ZC3H6: variants seen among roughly 807,000 people sequenced by gnomAD.
The protein encoded by ZC3H6 is zinc finger CCCH-type containing 6, also known as zinc finger CCCH domain-containing protein 6.
In ZC3H6, 40 loss-of-function variants were observed where a neutral mutation model predicts 107.7. The observed-to-expected ratio is 0.37, with a 90% CI of 0.29 to 0.48. The LOEUF (loss-of-function observed/expected upper bound fraction) is 0.48. Ranked by LOEUF, ZC3H6 falls within the 20% of genes least tolerant of loss-of-function variation. ZC3H6 has a pLI of 0.98. For missense variants in ZC3H6, 1,267 were observed against 1,410.4 expected (o/e 0.90, Z 1.63); for synonymous variants, 493 against 487.9 (o/e 1.01, Z -0.14).
At chr2:112,293,320 A>G (rs1254856774) in intron 1 of ZC3H6, among the ~76,000 whole-genome samples, 2 of 152,226 alleles carry the variant, frequency 1.3e-5, no homozygotes, top group East Asian at 3.8e-4. Flanking sequence ...AAACAAACCA[A>G]GTAAAAATTG....
At chr2:112,280,097 G>C (rs999539143) in intron 1 of ZC3H6, among the ~76,000 whole-genome samples, 18 of 146,388 alleles carry the variant, frequency 1.2e-4, no homozygotes, top group African/African-American at 4.7e-4. Context: ...TGAAGTAGTT[G>C]CACTAGATCA....
At chr2:112,326,223 T>C (rs1223182993) in intron 11 of ZC3H6, among the ~76,000 whole-genome samples, 2 of 152,182 alleles carry the variant, frequency 1.3e-5, no homozygotes, top group African/African-American at 4.8e-5. Flanking sequence ...AATCCAGGTA[T>C]ACTCTTTTAG....
intron 1 of ZC3H6, among the ~76,000 whole-genome samples, chr2:112,290,573 G>A (rs1300771809): frequency 1.3e-5 from 2 of 151,670 alleles, no homozygotes; most frequent in African/African-American, 4.8e-5. Context: ...AAGAAACCAT[G>A]TCTTTTTCTT....
chr2:112,299,746 G>A, intron 1 of ZC3H6, 103 bp from the exon 2 acceptor site: 1 of 921,596 alleles, frequency 1.1e-6, no homozygotes, highest in Non-Finnish European at 1.5e-6. Context: ...TTGTCTAAAT[G>A]AATATAACAT....
chr2:112,330,456 C>T (rs1172576546), intron 11 of ZC3H6, among the ~76,000 whole-genome samples: 1 of 152,184 alleles, frequency 6.6e-6, no homozygotes, highest in African/African-American at 2.4e-5. Context: ...CTACCCCATT[C>T]CTCATTTGCT....
At chr2:112,298,653 C>T (rs1446196291) in intron 1 of ZC3H6, among the ~76,000 whole-genome samples, 1 of 152,192 alleles carries the variant, frequency 6.6e-6, no homozygotes, top group Non-Finnish European at 1.5e-5. Flanking sequence ...CAATCAAATG[C>T]CCAGCTCTAT....
chr2:112,302,787 G>A (rs936615599), intron 2 of ZC3H6, among the ~76,000 whole-genome samples: 1 of 151,338 alleles, frequency 6.6e-6, no homozygotes, highest in African/African-American at 2.4e-5. Flanking sequence ...TAATGTTTTG[G>A]TATCTTTTAG....
rs927856412 is a variant in ZC3H6, at chr2:112,321,850, G to T, written c.1071G>T (p.Lys357Asn). The change falls in exon 8 of 12, where the codon AAG (lysine) becomes AAT (asparagine). Residue 357 changes from lysine to asparagine, a missense_variant. By Grantham distance (94) the Lys-to-Asn change is moderately conservative. Coordinates refer to ENST00000409871, the MANE Select transcript of ZC3H6 (RefSeq NM_198581.3). ...FSHDDLTKET[K>N]KLLDKVLNTD... ...ATGATGATCTAACTAAAGAAACAAAGAAACTTTTGGACAAAGTGAGTAATA... is the reference window on the plus strand; with the variant it reads ...ATGATGATCTAACTAAAGAAACAAATAAACTTTTGGACAAAGTGAGTAATA... 4.0e-6 allele frequency: 6 copies of T among 1,504,424 alleles called. No homozygotes were observed. The East Asian group carries it at 9.7e-5, about 24-fold the overall frequency. 93.2% of individuals were successfully genotyped at this position (1,504,424 alleles called of 1,614,324 possible).
rs905056168 is a variant in ZC3H6 at position 112,295,943 on chromosome 2, T to A, written c.33-3906T>A. Among the ~76,000 whole-genome samples, 4 of 152,068 alleles carry A rather than the reference T, an allele frequency of 2.6e-5. 1 individual carries two copies. The East Asian group carries it at 7.7e-4, about 29-fold the overall frequency. On this transcript the variant is annotated intron_variant, in intron 1 of 11. Coordinates refer to ENST00000409871, the MANE Select transcript of ZC3H6 (RefSeq NM_198581.3). ...ATGAAGCAGTGATTTCCAGATGTAATTTTTTTTATGCTTTAAGGAGCTCAC... is the reference window on the plus strand; with the variant it reads ...ATGAAGCAGTGATTTCCAGATGTAAATTTTTTTATGCTTTAAGGAGCTCAC...
intron 1 of ZC3H6, among the ~76,000 whole-genome samples, chr2:112,286,794 C>T (rs1164530513): frequency 6.6e-6 from 1 of 152,148 alleles, no homozygotes; most frequent in African/African-American, 2.4e-5. Flanking sequence ...CAATCTCTGA[C>T]CATGTGACAT....
At chr2:112,303,847 A>G (rs1483524537) in intron 3 of ZC3H6, among the ~76,000 whole-genome samples, 2 of 152,184 alleles carry the variant, frequency 1.3e-5, no homozygotes, top group African/African-American at 4.8e-5. Flanking sequence ...ATTGTGAATC[A>G]TGCTGCTTAT....
chr2:112,331,832 A>G lies in ZC3H6; in HGVS notation c.2914A>G (p.Arg972Gly). ...DPRLQKNFDPRLHRLPNTESH... is the reference protein window; with the variant it reads ...DPRLQKNFDPGLHRLPNTESH... ...TAGACTACAAAAAAATTTTGATCCT[A>G]GGCTTCACAGACTGCCCAATACAGA... Residue 972 changes from arginine (R) to glycine (G), a missense_variant, in exon 12 of 12, where the codon AGG becomes GGG. Physicochemically the swap from Arg to Gly is moderately radical, Grantham distance 125. Around this residue, in one of 3 missense-constraint regions of ZC3H6, gnomAD observed 925 missense variants for 1,025.7 expected, o/e 0.90. Transcript: ENST00000409871. 2 of 1,613,826 alleles carry G rather than the reference A, an allele frequency of 1.2e-6. No individual in the cohort carries two copies. The highest frequency in any genetic ancestry group is 2.7e-5 in the African/African-American group (2 of 75,050).
At position 112,322,724 on chromosome 2, in the gene ZC3H6, C is replaced by T. The variant is rs2104721043; in HGVS notation, c.1162C>T (p.Pro388Ser). Reference protein sequence around the residue: ...LEELRKRGITPLPKPPPGVGL... With the variant: ...LEELRKRGITSLPKPPPGVGL... ...GGAACTTAGAAAGCGTGGCATAACT[C>T]CTCTTCCCAAACCACCTCCAGGGGT... The change falls in exon 9 of 12, where the codon CCT becomes TCT. Residue 388 changes from proline to serine, a missense_variant. This residue lies in a region of ZC3H6 where 925 missense variants were observed against 1,025.7 expected (regional missense o/e 0.90). Transcript: ENST00000409871. The T allele has an allele frequency of 6.2e-7, 1 of 1,613,822 alleles. No homozygotes were observed. Among genetic ancestry groups the T allele is most frequent in the Non-Finnish European group, 8.5e-7 (1 of 1,179,838 alleles).
At chr2:112,301,523 C>T (rs1037439574) in intron 2 of ZC3H6, among the ~76,000 whole-genome samples, 2 of 152,114 alleles carry the variant, frequency 1.3e-5, no homozygotes, top group African/African-American at 4.8e-5. Context: ...TTGGCCCATT[C>T]CATCCATTTT....
At position 112,324,209 on chromosome 2, in the gene ZC3H6, T is replaced by A; in HGVS notation, c.1398T>A (p.Ser466Arg). ...SPPGPQFQGSSPHPQHIYSSG... is the reference protein window; with the variant it reads ...SPPGPQFQGSRPHPQHIYSSG... The stretch of plus-strand genomic sequence containing the variant: ...CAGGACCACAATTTCAGGGAAGCAG[T>A]CCACACCCTCAACATATCTATAGTT... Residue 466 changes from serine (S) to arginine (R), a missense_variant, in exon 10 of 12, where the codon AGT becomes AGA. This residue lies in a region of ZC3H6 where 925 missense variants were observed against 1,025.7 expected (regional missense o/e 0.90). Coordinates refer to ENST00000409871, the MANE Select transcript of ZC3H6 (RefSeq NM_198581.3). 6.2e-7 allele frequency: 1 copy of A among 1,604,350 alleles called. No homozygotes were observed. The highest frequency in any genetic ancestry group is 8.5e-7 in the Non-Finnish European group (1 of 1,171,690).
intron 2 of ZC3H6, among the ~76,000 whole-genome samples, chr2:112,300,286 C>T (rs1247112831): frequency 6.6e-6 from 1 of 151,902 alleles, no homozygotes; most frequent in Non-Finnish European, 1.5e-5. Context: ...TGGCTCACTG[C>T]AGCCTTGATC....
At chr2:112,329,249 CTG>C (rs1676974167) in intron 11 of ZC3H6, among the ~76,000 whole-genome samples, 1 of 150,772 alleles carries the variant, frequency 6.6e-6, no homozygotes, top group Admixed American at 6.6e-5. Context: ...TACTCTCCCT[CTG>C]TTACTATTTT....
At chr2:112,315,639 G>A (rs577680515) in intron 5 of ZC3H6, among the ~76,000 whole-genome samples, 2 of 151,830 alleles carry the variant, frequency 1.3e-5, no homozygotes, top group East Asian at 3.9e-4. Flanking sequence ...TGTTGCCCAG[G>A]CAGGAATGCA....
intron 7 of ZC3H6, among the ~76,000 whole-genome samples, chr2:112,320,077 C>T (rs1558955217): frequency 6.6e-6 from 1 of 152,090 alleles, no homozygotes; most frequent in Non-Finnish European, 1.5e-5. Flanking sequence ...GGATTACAGG[C>T]ATGCACCACC....
Sources: allele counts gnomAD v4.1 joint callset (sites outside exome capture counted in the v4.1 genomes callset), GRCh38; gene constraint gnomAD v4.1.1; regional missense constraint gnomAD v4.1.1; transcripts MANE v1.5; gene names NCBI Gene and HGNC (gene_info 2026-07-23, HGNC 2026-07-21).